BPIFB1: variants seen among roughly 807,000 people sequenced by gnomAD.
BPIFB1 encodes BPI fold-containing family B member 1.
In BPIFB1, 34 loss-of-function variants were observed where a neutral mutation model predicts 55.1. The ratio of observed to expected loss-of-function variants is 0.62; its 90% CI spans 0.47 to 0.82. The LOEUF is 0.82. Among genes scored for constraint, BPIFB1 ranks in the 40% least tolerant of loss-of-function variants. BPIFB1 has a pLI of 0.00. For missense variants in BPIFB1, 532 were observed against 593.1 expected, an observed-to-expected ratio of 0.90 and a Z score of 1.07; for synonymous variants, 236 against 245.3, an observed-to-expected ratio of 0.96 and a Z score of 0.35.
In BPIFB1 at chr20:33,297,558, A is replaced by G; in HGVS notation, c.631A>G (p.Met211Val). 6.2e-7 allele frequency: 1 copy of G among 1,614,096 alleles called. No homozygotes were observed. Among genetic ancestry groups the G allele is most frequent in the Non-Finnish European group, 8.5e-7 (1 of 1,179,996 alleles). Residue 211 changes from methionine to valine, a missense_variant, in exon 7 of 16, where the codon ATG (methionine) becomes GTG (valine). Met to Val is a conservative substitution (Grantham distance 21). Coordinates refer to ENST00000253354, the MANE Select transcript of BPIFB1 (RefSeq NM_033197.3). Reference protein sequence around the residue: ...CPVIEASFNGMYADLLQLVKV... With the variant: ...CPVIEASFNGVYADLLQLVKV... ...CGTGATCGAGGCTTCCTTCAATGGC[A>G]TGTATGCAGACCTCCTGCAGCTGGT...
intron 5 of BPIFB1, 77 bp from the exon 6 acceptor site, chr20:33,291,830 T>TCC: frequency 7.4e-7 from 1 of 1,348,770 alleles, no homozygotes; most frequent in Non-Finnish European, 1.1e-6. Context: ...AGACTCAGCC[T>TCC]CCCCCTCTGT....
At chr20:33,284,497 A>G (rs964978386) in intron 1 of BPIFB1, among the ~76,000 whole-genome samples, 58 of 152,238 alleles carry the variant, frequency 3.8e-4, no homozygotes, top group African/African-American at 1.2e-3. Flanking sequence ...CCTCCCTCCC[A>G]GAGCTCACAG....
intron 13 of BPIFB1, 60 bp from the exon 14 acceptor site, chr20:33,305,942 T>C: frequency 6.3e-7 from 1 of 1,584,052 alleles, no homozygotes; most frequent in South Asian, 1.1e-5. Flanking sequence ...CCACGAAGAA[T>C]GATGGGGGGG....
intron 7 of BPIFB1, 100 bp from the exon 8 acceptor site, chr20:33,299,799 C>T (rs1187980902): frequency 1.3e-6 from 1 of 789,854 alleles, no homozygotes; most frequent in Non-Finnish European, 2.2e-6. Context: ...CTACCTGCCC[C>T]CCCATGCAAC....
rs964471633 is a variant in BPIFB1 at position 33,290,101 on chromosome 20, A to T, written c.365+109A>T. 1.9e-5 allele frequency: 16 copies of T among 827,782 alleles called. No homozygotes were observed. The Admixed American group carries it at 2.1e-4, about 11-fold the overall frequency. 51.3% of individuals were successfully genotyped at this position (827,782 alleles called of 1,614,324 possible). ...CTGGAAAAGAGAGTTCCGAGCAGAGAGAAGAGCAAGTGCAGAGGCCCTGTG... is the reference window on the plus strand; with the variant it reads ...CTGGAAAAGAGAGTTCCGAGCAGAGTGAAGAGCAAGTGCAGAGGCCCTGTG... On this transcript the variant is annotated intron_variant, in intron 4 of 15. Transcript: ENST00000253354.
rs141498694 is a variant in BPIFB1, at chr20:33,302,972, C to T, written c.1038C>T (p.Pro346=). 8.7e-6 allele frequency: 14 copies of T among 1,614,004 alleles called. No individual in the cohort carries two copies. The highest frequency in any genetic ancestry group is 1.6e-4 in the Middle Eastern group (1 of 6,082). The part of the protein sequence containing the change: ...QIVKILTQDT[P]EFFIDQGHAK... ...TGAAGATCCTAACTCAGGACACTCC[C>T]GAGTTTTTTATAGACCAAGGCCATG... Residue 346 remains proline (P), a synonymous_variant, in exon 11 of 16, where the codon CCC becomes CCT. Transcript: ENST00000253354.
At chr20:33,308,485 C>T (rs1361494599) in intron 15 of BPIFB1, among the ~76,000 whole-genome samples, 2 of 150,980 alleles carry the variant, frequency 1.3e-5, no homozygotes, top group African/African-American at 4.9e-5. Context: ...TACACCTATA[C>T]ACATACATAC....
intron 6 of BPIFB1, among the ~76,000 whole-genome samples, chr20:33,293,998 A>C (rs1395857613): frequency 1.3e-5 from 2 of 152,338 alleles, no homozygotes; most frequent in South Asian, 2.1e-4. Flanking sequence ...CATTTTGTGA[A>C]ATATACATCA....
In BPIFB1 at chr20:33,298,239, T is replaced by G. The variant is rs183761792; in HGVS notation, c.661+651T>G. 1.2e-4 allele frequency among the ~76,000 whole-genome samples: 19 copies of G among 152,272 alleles called. No individual in the cohort carries two copies. In the East Asian group the frequency reaches 3.7e-3, roughly 29 times the overall value. On this transcript the variant is annotated intron_variant, in intron 7 of 15. Transcript: ENST00000253354. ...TTGAGGTATCTGAGAAATTAAAGCA[T>G]GGGTTAAAAACTGAGATATCTGGTT...
intron 2 of BPIFB1, among the ~76,000 whole-genome samples, chr20:33,287,307 C>T (rs1296575198): frequency 6.6e-6 from 1 of 152,208 alleles, no homozygotes; most frequent in East Asian, 1.9e-4. Context: ...AAAGGCATCC[C>T]ATGAGGGGTG....
At chr20:33,305,352 C>G (rs1424024634) in intron 13 of BPIFB1, among the ~76,000 whole-genome samples, 1 of 129,594 alleles carries the variant, frequency 7.7e-6, no homozygotes, top group Non-Finnish European at 1.5e-5. Context: ...GAGTCTCGCT[C>G]TGTCGCCCAG....
chr20:33,309,648 T>A lies in BPIFB1; in HGVS notation c.1396-60T>A. The A allele has an allele frequency of 1.9e-6, 3 of 1,555,960 alleles. No individual in the cohort carries two copies. The highest frequency in any genetic ancestry group is 2.7e-6 in the Non-Finnish European group (3 of 1,127,476). On this transcript the variant is annotated intron_variant, in intron 15 of 15. Transcript: ENST00000253354. This position sits in a 1 kb window ranked among gnomAD's most constrained non-coding sequence, Gnocchi z 4.4. ...CACCTTATGGAGGACAAAACCAGCA[T>A]AAACCACAAGGCAAAAGGTTAAAGA...
At chr20:33,304,298 C>T (rs1321297667) in intron 12 of BPIFB1, among the ~76,000 whole-genome samples, 1 of 152,192 alleles carries the variant, frequency 6.6e-6, no homozygotes, top group African/African-American at 2.4e-5. Context: ...GTGACAGTCA[C>T]CCGGCACAGA....
intron 4 of BPIFB1, among the ~76,000 whole-genome samples, chr20:33,290,617 G>C (rs1035168150): frequency 1.3e-5 from 2 of 152,172 alleles, no homozygotes; most frequent in Non-Finnish European, 2.9e-5. Context: ...TGGCAGGATG[G>C]AGTGGTCAGT....
At chr20:33,305,273 G>C (rs6120226) in intron 13 of BPIFB1, among the ~76,000 whole-genome samples, 15,466 of 149,996 alleles carry the variant, frequency 0.1, 1,763 homozygotes, top group African/African-American at 0.28. Flanking sequence ...TCAGTCTGGC[G>C]TGTTTTCTCT....
chr20:33,305,945 T>TG (rs893942702), intron 13 of BPIFB1, 57 bp from the exon 14 acceptor site: 15 of 1,584,812 alleles, frequency 9.5e-6, no homozygotes, highest in East Asian at 8.9e-5. Context: ...CGAAGAATGA[T>TG]GGGGGGGAAC....
intron 12 of BPIFB1, 40 bp downstream of exon 12, chr20:33,304,065 A>G: frequency 6.4e-7 from 1 of 1,569,206 alleles, no homozygotes; most frequent in Non-Finnish European, 8.7e-7. Flanking sequence ...GCTGATGGAA[A>G]TGAGTCCCGC....
intron 7 of BPIFB1, 177 bp downstream of exon 7, chr20:33,297,765 C>A: frequency 1.5e-6 from 1 of 666,400 alleles, no homozygotes; most frequent in South Asian, 1.7e-5. Context: ...AAATTCGCCA[C>A]GACTAGGACT....
chr20:33,286,785 T>C (rs1980279600), intron 2 of BPIFB1, among the ~76,000 whole-genome samples: 1 of 152,242 alleles, frequency 6.6e-6, no homozygotes, highest in African/African-American at 2.4e-5. Context: ...ATGGGGGGTG[T>C]CCTGGGCACT....
Sources: allele counts gnomAD v4.1 joint callset (sites outside exome capture counted in the v4.1 genomes callset), GRCh38; gene constraint gnomAD v4.1.1; non-coding constraint Gnocchi (gnomAD v3.1); transcripts MANE v1.5; gene names NCBI Gene and HGNC (gene_info 2026-07-23, HGNC 2026-07-21).